SMG1: variants seen among roughly 807,000 people sequenced by gnomAD.
SMG1 encodes serine/threonine-protein kinase SMG1.
SMG1 carries 22 observed loss-of-function variants against 419.9 expected under a neutral mutation model. That is an observed-to-expected ratio of 0.05 (90% confidence interval 0.04 to 0.07). The LOEUF is 0.07. Ranked by LOEUF, SMG1 falls within the 10% of genes least tolerant of loss-of-function variation. The pLI, the probability that SMG1 is intolerant of heterozygous loss-of-function variation, is 1.00. For missense variants in SMG1, 3,185 were observed against 4,342.0 expected (o/e 0.73, Z 7.49); for synonymous variants, 1,538 against 1,553.5 (o/e 0.99, Z 0.23).
intron 1 of SMG1, among the ~76,000 whole-genome samples, chr16:18,920,702 G>A (rs565597172): frequency 1.3e-5 from 2 of 151,978 alleles, no homozygotes; most frequent in Non-Finnish European, 2.9e-5. Context: ...GTAGCTGGGG[G>A]TGGTGACATG....
intron 55 of SMG1, among the ~76,000 whole-genome samples, chr16:18,820,023 T>C (rs1445325488): frequency 3.3e-5 from 5 of 152,156 alleles, no homozygotes; most frequent in Non-Finnish European, 5.9e-5. Context: ...GGAGTTGCAG[T>C]GGTGCAATCT....
intron 10 of SMG1, among the ~76,000 whole-genome samples, chr16:18,881,337 T>C (rs943875422): frequency 6.6e-6 from 1 of 151,578 alleles, no homozygotes; most frequent in African/African-American, 2.4e-5. Flanking sequence ...TAAACCATTT[T>C]GAAACCATAT....
At position 18,816,601 on chromosome 16, in the gene SMG1, T is replaced by A. The variant is rs996776404; in HGVS notation, c.10075-72A>T. The A allele has an allele frequency of 6.4e-6, 8 of 1,256,220 alleles. No homozygotes were observed. The African/African-American group carries it at 9.0e-5, about 14-fold the overall frequency. The allele number at this position is 1,256,220 out of a possible 1,614,324, so 77.8% of individuals were successfully genotyped here. A position where few individuals can be genotyped will look rare whatever the true frequency, so the allele number is the denominator to read the frequency against. On this transcript the variant is annotated intron_variant, in intron 57 of 62. Coordinates refer to ENST00000446231, the MANE Select transcript of SMG1 (RefSeq NM_015092.5). ...ATGAGTTCTTTCTTCATTAACATCA[T>A]CAAAAGATATTAGTAACTCAAGCTG... is the stretch of plus-strand genomic sequence containing the variant.
intron 56 of SMG1, among the ~76,000 whole-genome samples, 197 bp from the exon 57 acceptor site, chr16:18,817,667 G>A (rs1370186141): frequency 1.3e-5 from 2 of 152,126 alleles, no homozygotes; most frequent in East Asian, 3.9e-4. Flanking sequence ...ACACTGTTAG[G>A]TCTGAGATGG....
chr16:18,814,494 G>C (rs1189758913), intron 60 of SMG1, among the ~76,000 whole-genome samples: 1 of 151,780 alleles, frequency 6.6e-6, no homozygotes, highest in Non-Finnish European at 1.5e-5. Flanking sequence ...AGACAGTTTT[G>C]AGACTCCGCC....
chr16:18,910,868 C>T (rs1205129930), intron 1 of SMG1, among the ~76,000 whole-genome samples: 1 of 152,122 alleles, frequency 6.6e-6, no homozygotes, highest in Admixed American at 6.5e-5. Context: ...CACAGCCATA[C>T]ACACTACACC....
Position 18,837,238 on chromosome 16 carries a change from A to G in SMG1, c.7604+15T>C. 1 of 1,593,452 alleles carries G rather than the reference A, an allele frequency of 6.3e-7. No homozygotes were observed. Among genetic ancestry groups the G allele is most frequent in the Non-Finnish European group, 8.6e-7 (1 of 1,169,178 alleles). On this transcript the variant is annotated intron_variant, in intron 46 of 62. Transcript: ENST00000446231. ...TAATGGCACATATTTAGAAGAATTC[A>G]ACACTGTTTTAAACCTGTGTTGCAG...
intron 1 of SMG1, among the ~76,000 whole-genome samples, chr16:18,923,449 G>A (rs2038273486): frequency 6.6e-6 from 1 of 152,082 alleles, no homozygotes; most frequent in Non-Finnish European, 1.5e-5. Context: ...TCCAAGAACA[G>A]GCTGGCCAAC....
chr16:18,833,890 T>C (rs2033376605), intron 50 of SMG1, among the ~76,000 whole-genome samples: 1 of 152,228 alleles, frequency 6.6e-6, no homozygotes, highest in African/African-American at 2.4e-5. Flanking sequence ...CTGTATGTTA[T>C]CAAGGTGTCG....
In SMG1 at chr16:18,869,882, T is replaced by C; in HGVS notation, c.2605A>G (p.Ile869Val). The C allele has an allele frequency of 6.3e-7, 1 of 1,579,304 alleles. No individual in the cohort carries two copies. Among genetic ancestry groups the C allele is most frequent in the Non-Finnish European group, 8.6e-7 (1 of 1,163,920 alleles). The change falls in exon 19 of 63, where the codon ATT becomes GTT. Residue 869 changes from isoleucine (I) to valine (V), a missense_variant. This residue lies in a region of SMG1 where 297 missense variants were observed against 491.0 expected (regional missense o/e 0.60). Transcript: ENST00000446231. The part of the protein sequence containing the change: ...PQDFSDVISF[I>V]LYGNSHRTGK... ...GTTCTATGAGAGTTCCCATACAAAA[T>C]AAAACTAATAACATCAGAGAAATCT...
At chr16:18,870,988 T>A in intron 16 of SMG1, 100 bp from the exon 17 acceptor site, 2 of 702,100 alleles carry the variant, frequency 2.8e-6, no homozygotes, top group East Asian at 5.4e-5. Flanking sequence ...CAACAAAGAG[T>A]GAGTGCCTAC....
chr16:18,849,873 A>C (rs1174218685), intron 35 of SMG1, 76 bp downstream of exon 35: 1 of 1,416,158 alleles, frequency 7.1e-7, no homozygotes, highest in African/African-American at 1.4e-5. Context: ...TAATAAACAT[A>C]AGGAAACCAC....
chr16:18,821,068 T>C (rs1182876912), intron 55 of SMG1, among the ~76,000 whole-genome samples: 1 of 152,214 alleles, frequency 6.6e-6, no homozygotes, highest in Non-Finnish European at 1.5e-5. Context: ...CCATGCTTGT[T>C]AGCTACTACT....
intron 1 of SMG1, among the ~76,000 whole-genome samples, chr16:18,907,183 GA>G: frequency 6.6e-6 from 1 of 152,076 alleles, no homozygotes; most frequent in African/African-American, 2.4e-5. Context: ...TCAGGAGGCT[GA>G]GGCAGGAGAA....
chr16:18,847,706 C>T, intron 37 of SMG1, 99 bp from the exon 38 acceptor site: 1 of 1,572,104 alleles, frequency 6.4e-7, no homozygotes. Flanking sequence ...GCAATTGGTG[C>T]TCATTATACA....
intron 1 of SMG1, among the ~76,000 whole-genome samples, chr16:18,907,866 A>AAAAG (rs2037631404): frequency 6.6e-6 from 1 of 150,602 alleles, no homozygotes; most frequent in Non-Finnish European, 1.5e-5. Context: ...AAAAAAAAAA[A>AAAAG]AAAGAGACCC....
chr16:18,888,440 C>CA (rs532295201), intron 6 of SMG1, among the ~76,000 whole-genome samples: 2 of 148,610 alleles, frequency 1.3e-5, no homozygotes, highest in African/African-American at 2.5e-5. Context: ...TAAGCAATCT[C>CA]AAAAAAACAT....
intron 13 of SMG1, among the ~76,000 whole-genome samples, chr16:18,873,786 C>T (rs1052654574): frequency 6.6e-6 from 1 of 152,154 alleles, no homozygotes; most frequent in Non-Finnish European, 1.5e-5. Flanking sequence ...CAAAGGCACA[C>T]CCTGCCACTC....
rs1259436441 is a variant in SMG1, at chr16:18,882,254, G to C, written c.1204C>G (p.Leu402Val). The change falls in exon 10 of 63, where the codon CTC becomes GTC. Residue 402 changes from leucine to valine, a missense_variant. Leu to Val is a conservative substitution (Grantham distance 32). Coordinates refer to ENST00000446231, the MANE Select transcript of SMG1 (RefSeq NM_015092.5). Reference sequence around the variant, plus strand: ...CTCACCACAGTACTAAATACCCGGAGAAGTGCAGCCAGCTTTGGTAATGAC... The same window carrying C: ...CTCACCACAGTACTAAATACCCGGACAAGTGCAGCCAGCTTTGGTAATGAC... Reference protein sequence around the residue: ...SVSLPKLAALLRVFSTVVRSI... With the variant: ...SVSLPKLAALVRVFSTVVRSI... 1 of 1,610,520 alleles carries C rather than the reference G, an allele frequency of 6.2e-7. No homozygotes were observed. Among genetic ancestry groups the C allele is most frequent in the South Asian group, 1.1e-5 (1 of 90,778 alleles).
Sources: allele counts gnomAD v4.1 joint callset (sites outside exome capture counted in the v4.1 genomes callset), GRCh38; gene constraint gnomAD v4.1.1; regional missense constraint gnomAD v4.1.1; transcripts MANE v1.5; gene names NCBI Gene and HGNC (gene_info 2026-07-23, HGNC 2026-07-21).